The following CPEB4 variants were observed in gnomAD, a reference collection of about 807,000 sequenced individuals.
CPEB4 encodes the protein cytoplasmic polyadenylation element-binding protein 4.
CPEB4 carries 12 observed loss-of-function variants against 72.5 expected under a neutral mutation model. The observed-to-expected ratio is 0.17, with a 90% CI of 0.11 to 0.27. The LOEUF (loss-of-function observed/expected upper bound fraction) is 0.27, where lower values mean the gene tolerates loss of function less well. Among genes scored for constraint, CPEB4 ranks in the 10% least tolerant of loss-of-function variants. The pLI, the probability that CPEB4 is intolerant of heterozygous loss-of-function variation, is 1.00. For synonymous variants in CPEB4, 302 were observed against 326.3 expected, an observed-to-expected ratio of 0.93 and a Z score of 0.80; for missense variants, 614 against 908.5, an observed-to-expected ratio of 0.68 and a Z score of 4.17.
At chr5:173,954,155 A>G (rs961890386) in intron 9 of CPEB4, among the ~76,000 whole-genome samples, 1 of 152,206 alleles carries the variant, frequency 6.6e-6, no homozygotes, top group African/African-American at 2.4e-5. Flanking sequence ...GTGCTAAAAT[A>G]GATTGATTTT....
In CPEB4 at chr5:173,959,742, CTTTAT is replaced by C. The variant is rs1365171662; in HGVS notation, c.*3612_*3616del. The C allele has an allele frequency of 2.0e-5, 3 of 152,306 alleles. No homozygotes were observed. Among genetic ancestry groups the C allele is most frequent in the Non-Finnish European group, 2.9e-5 (2 of 67,944 alleles). 9.4% of individuals were successfully genotyped at this position (152,306 alleles called of 1,614,324 possible). On this transcript the variant is annotated 3_prime_UTR_variant, in exon 10 of 10. Coordinates refer to ENST00000265085, the MANE Select transcript of CPEB4 (RefSeq NM_030627.4). ...GAATAAAAGAGGTTTTGGTCATTTG[CTTTAT>C]TTTATTATTTTAAAGCTACTGTGAT...
At chr5:173,897,815 G>T (rs566286108) in intron 1 of CPEB4, among the ~76,000 whole-genome samples, 109 of 152,100 alleles carry the variant, frequency 7.2e-4, no homozygotes, top group Non-Finnish European at 1.3e-3. Context: ...AAAAATATTT[G>T]GAAAGTGTAA....
intron 2 of CPEB4, among the ~76,000 whole-genome samples, chr5:173,921,050 A>G (rs536506200): frequency 6.6e-6 from 1 of 152,356 alleles, no homozygotes; most frequent in African/African-American, 2.4e-5. Flanking sequence ...CCCATTAGTG[A>G]CCAGGCATTC....
chr5:173,893,038 A>T (rs2973351), intron 1 of CPEB4: 1,461 of 81,740 alleles, frequency 0.018, 18 homozygotes, highest in African/African-American at 0.058. Flanking sequence ...TGTGTGTGTG[A>T]GAGAGAGAGA....
intron 1 of CPEB4, among the ~76,000 whole-genome samples, chr5:173,894,578 G>C (rs1321028741): frequency 6.9e-6 from 1 of 145,218 alleles, no homozygotes; most frequent in Non-Finnish European, 1.5e-5. Flanking sequence ...CTGAGATCAT[G>C]CCACTGCACC....
intron 3 of CPEB4, among the ~76,000 whole-genome samples, chr5:173,941,368 T>C (rs1228902212): frequency 6.6e-6 from 1 of 152,216 alleles, no homozygotes; most frequent in Non-Finnish European, 1.5e-5. Context: ...TTGAGGGAGA[T>C]TGTATGTTGT....
At chr5:173,940,117 T>TA (rs772232393) in intron 3 of CPEB4, among the ~76,000 whole-genome samples, 82 of 152,004 alleles carry the variant, frequency 5.4e-4, no homozygotes, top group Non-Finnish European at 3.1e-4. Flanking sequence ...AAAAATAAAA[T>TA]AAATCAAAAC....
intron 2 of CPEB4, among the ~76,000 whole-genome samples, chr5:173,911,903 C>T (rs1756678734): frequency 6.6e-6 from 1 of 151,920 alleles, no homozygotes; most frequent in Middle Eastern, 3.2e-3. Context: ...CCTAGTTTCC[C>T]TTTGAGTTTG....
intron 5 of CPEB4, among the ~76,000 whole-genome samples, chr5:173,946,064 A>G (rs1167613348): frequency 4.6e-5 from 7 of 152,250 alleles, no homozygotes; most frequent in African/African-American, 1.2e-4. Flanking sequence ...ATAAGGTTTA[A>G]TATCTTCACA....
intron 1 of CPEB4, among the ~76,000 whole-genome samples, chr5:173,899,498 C>G (rs186921223): frequency 1.3e-5 from 2 of 152,246 alleles, no homozygotes; most frequent in African/African-American, 4.8e-5. Context: ...TGGTGGACCA[C>G]TGTTGGCTTC....
intron 1 of CPEB4, among the ~76,000 whole-genome samples, chr5:173,908,462 T>C (rs551346667): frequency 6.6e-6 from 1 of 152,320 alleles, no homozygotes; most frequent in South Asian, 2.1e-4. Flanking sequence ...TGAAATACTG[T>C]CTCTTACCTG....
intron 4 of CPEB4, among the ~76,000 whole-genome samples, chr5:173,943,655 G>A (rs1182642042): frequency 1.3e-5 from 2 of 152,094 alleles, no homozygotes; most frequent in East Asian, 1.9e-4. Flanking sequence ...GAGAAAGTAA[G>A]ACAGTTAAAT....
Position 173,888,402 on chromosome 5 carries a change from CCGGGAGGCGGTGGCGGCGG to C in CPEB4, c.-1328_-1310del. ...CAGCCGCGGCTGCGGGACCCGGGCACCGGGAGGCGGTGGCGGCGGCGGCGGCGGCAGCAGCGGCGACAGC... is the reference window on the plus strand; with the variant it reads ...CAGCCGCGGCTGCGGGACCCGGGCACCGGCGGCGGCAGCAGCGGCGACAGC... On this transcript the variant is annotated 5_prime_UTR_variant, in exon 1 of 10. Coordinates refer to ENST00000265085, the MANE Select transcript of CPEB4 (RefSeq NM_030627.4). The surrounding 1 kb of genome is among the most constrained non-coding windows in gnomAD (Gnocchi z 4.3). The C allele has an allele frequency of 2.2e-6, 1 of 454,592 alleles. No homozygotes were observed. The highest frequency in any genetic ancestry group is 3.8e-6 in the Non-Finnish European group (1 of 263,860). The allele number at this position is 454,592 out of a possible 1,614,324, so 28.2% of individuals were successfully genotyped here.
At chr5:173,922,533 G>T (rs1056882423) in intron 2 of CPEB4, among the ~76,000 whole-genome samples, 24 of 152,172 alleles carry the variant, frequency 1.6e-4, no homozygotes, top group African/African-American at 5.3e-4. Context: ...GCCTGGCCAA[G>T]ATTTCTTAAT....
At chr5:173,942,780 T>G (rs1757891960) in intron 3 of CPEB4, among the ~76,000 whole-genome samples, 1 of 152,194 alleles carries the variant, frequency 6.6e-6, no homozygotes, top group Non-Finnish European at 1.5e-5. Context: ...AGCAAAAAGC[T>G]TCCCATAAAA....
chr5:173,942,897 A>G, intron 3 of CPEB4, 129 bp from the exon 4 acceptor site: 1 of 870,372 alleles, frequency 1.1e-6, no homozygotes, highest in Non-Finnish European at 1.7e-6. Flanking sequence ...TTTACCAGGA[A>G]ATGAAGAATA....
chr5:173,889,526 GA>G lies in CPEB4; in HGVS notation c.-207del. 1 of 462,604 alleles carries G rather than the reference GA, an allele frequency of 2.2e-6. No individual in the cohort carries two copies. The highest frequency in any genetic ancestry group is 3.8e-6 in the Non-Finnish European group (1 of 260,396). 28.7% of individuals were successfully genotyped at this position (462,604 alleles called of 1,614,324 possible). The stretch of plus-strand genomic sequence containing the variant: ...TTGGATCCAAGTCAATGTTTTAAGA[GA>G]TTTTTTTAAGAGTTGTTTTTTCTTT... On this transcript the variant is annotated 5_prime_UTR_variant, in exon 1 of 10. Transcript: ENST00000265085.
chr5:173,901,541 T>A (rs575936281), intron 1 of CPEB4, among the ~76,000 whole-genome samples: 2 of 152,198 alleles, frequency 1.3e-5, no homozygotes, highest in Non-Finnish European at 2.9e-5. Context: ...AAGGATTTCA[T>A]ACCTGGCAGG....
At chr5:173,935,031 T>A (rs1195654579) in intron 3 of CPEB4, among the ~76,000 whole-genome samples, 4 of 152,142 alleles carry the variant, frequency 2.6e-5, no homozygotes, top group South Asian at 2.1e-4. Flanking sequence ...ATTAAAGAAT[T>A]TACAGGTACT....
Sources: gnomAD v4.1 joint callset for allele counts (sites outside exome capture counted in the v4.1 genomes callset) on GRCh38, gnomAD v4.1.1 for gene constraint, Gnocchi (gnomAD v3.1) non-coding constraint, MANE v1.5 for transcripts, NCBI Gene and HGNC (gene_info 2026-07-23, HGNC 2026-07-21) for gene names.